Variants in TEX9 observed in about 807,000 individuals in gnomAD.
The protein encoded by TEX9 is testis expressed 9, also known as testis-expressed protein 9.
Under a neutral mutation model 59.6 loss-of-function variants are expected in TEX9, and 74 were observed. The observed-to-expected ratio is 1.24, with a 90% CI of 1.03 to 1.51. TEX9 has a LOEUF of 1.51. Ranked by LOEUF, TEX9 falls within the 40% of genes most tolerant of loss-of-function variation. The pLI is 0.00. For synonymous variants in TEX9, 186 were observed against 152.2 expected (o/e 1.22, Z -1.64); for missense variants, 522 against 447.8 (o/e 1.17, Z -1.49).
chr15:56,279,448 A>G (rs1288449007), intron 1 of TEX9, among the ~76,000 whole-genome samples: 1 of 152,222 alleles, frequency 6.6e-6, no homozygotes, highest in Non-Finnish European at 1.5e-5. Context: ...AGCTGGTTCA[A>G]ACAAGAATTT....
intron 1 of TEX9, among the ~76,000 whole-genome samples, chr15:56,348,506 G>A (rs2046515896): frequency 2.0e-5 from 3 of 151,974 alleles, no homozygotes. Context: ...ATATATTTTT[G>A]CTAAATAAAC....
At chr15:56,358,101 T>C (rs2046718012) in intron 1 of TEX9, among the ~76,000 whole-genome samples, 1 of 152,188 alleles carries the variant, frequency 6.6e-6, no homozygotes, top group Non-Finnish European at 1.5e-5. Context: ...TTTAGCCTTT[T>C]TGGTTTCTAG....
intron 12 of TEX9, among the ~76,000 whole-genome samples, chr15:56,435,021 A>G (rs144944537): frequency 3.9e-5 from 6 of 152,248 alleles, no homozygotes; most frequent in Non-Finnish European, 7.4e-5. Flanking sequence ...ACTAAAAAAT[A>G]TAATTTTACA....
At chr15:56,332,363 G>T (rs367879514) in intron 1 of TEX9, among the ~76,000 whole-genome samples, 9 of 150,778 alleles carry the variant, frequency 6.0e-5, no homozygotes, top group Non-Finnish European at 1.0e-4. Context: ...GTAAACTATC[G>T]CAAGAACAAA....
At chr15:56,307,891 G>A (rs1429808175) in intron 1 of TEX9, among the ~76,000 whole-genome samples, 2 of 152,100 alleles carry the variant, frequency 1.3e-5, no homozygotes, top group African/African-American at 4.8e-5. Context: ...AAGTTCATCC[G>A]TGTTGTAGTT....
chr15:56,302,713 A>G (rs1039242175), intron 1 of TEX9, among the ~76,000 whole-genome samples: 18 of 152,208 alleles, frequency 1.2e-4, no homozygotes, highest in African/African-American at 4.1e-4. Context: ...CTTATCAATA[A>G]TAACAGTTAA....
chr15:56,259,435 G>A (rs1414536247), intron 1 of TEX9, among the ~76,000 whole-genome samples: 1 of 151,860 alleles, frequency 6.6e-6, no homozygotes, highest in Non-Finnish European at 1.5e-5. Context: ...AATTTTTGTA[G>A]ATAGTGTAAA....
At chr15:56,460,010 AT>A in the TEX9 span, among the ~76,000 whole-genome samples, 136 of 27,394 alleles carry the variant, frequency 5.0e-3, 14 homozygotes, top group Non-Finnish European at 7.2e-3. Context: ...AAAAAAAAAA[AT>A]ACATATATAT....
intron 1 of TEX9, among the ~76,000 whole-genome samples, chr15:56,347,334 T>G (rs1284520009): frequency 6.6e-6 from 1 of 152,152 alleles, no homozygotes; most frequent in Non-Finnish European, 1.5e-5. Flanking sequence ...AAACTTATTA[T>G]GTATATATAG....
chr15:56,273,139 G>A (rs1453311434), intron 1 of TEX9, among the ~76,000 whole-genome samples: 1 of 151,842 alleles, frequency 6.6e-6, no homozygotes, highest in African/African-American at 2.4e-5. Context: ...TTTTTAAGTA[G>A]GCATGGGGTT....
intron 9 of TEX9, among the ~76,000 whole-genome samples, chr15:56,409,159 G>A (rs1232467271): frequency 6.6e-6 from 1 of 150,910 alleles, no homozygotes; most frequent in Non-Finnish European, 1.5e-5. Context: ...TTGCACCACT[G>A]CACTCCAGCC....
At chr15:56,290,468 A>C (rs1482528806) in intron 1 of TEX9, among the ~76,000 whole-genome samples, 1 of 151,842 alleles carries the variant, frequency 6.6e-6, no homozygotes, top group Non-Finnish European at 1.5e-5. Context: ...AGTTTTTTTC[A>C]ATACAGGTCT....
chr15:56,362,302 C>T (rs892369706), upstream of TEX9, among the ~76,000 whole-genome samples: 1 of 152,118 alleles, frequency 6.6e-6, no homozygotes, highest in Non-Finnish European at 1.5e-5. Flanking sequence ...GCAAGTCCTA[C>T]CAGTTTTTGC....
chr15:56,431,352 C>T (rs771526571), intron 12 of TEX9: 1 of 1,607,316 alleles, frequency 6.2e-7, no homozygotes, highest in South Asian at 1.1e-5. Flanking sequence ...AAGATTACAA[C>T]TTGAGATAAA....
rs3217284 is a variant in TEX9 at position 56,412,173 on chromosome 15, C to CGTGT, written c.829-112_829-109dup. On this transcript the variant is annotated intron_variant, in intron 9 of 12. Transcript: ENST00000352903. ...TTAGTGTTCAGCCTCTACCCCCAAG[C>CGTGT]GTGTGTGTGTGTGTGTGTGTAAAGT... is the stretch of plus-strand genomic sequence containing the variant. 370 of 696,488 alleles carry CGTGT rather than the reference C, an allele frequency of 5.3e-4. 3 individuals carry two copies. Among genetic ancestry groups the CGTGT allele is most frequent in the Admixed American group, 1.4e-3 (39 of 28,372 alleles). 43.1% of individuals were successfully genotyped at this position (696,488 alleles called of 1,614,324 possible).
intron 12 of TEX9, chr15:56,428,595 GATTAGCT>G (rs759662107): frequency 8.4e-5 from 46 of 545,064 alleles, no homozygotes; most frequent in Non-Finnish European, 1.3e-4. Context: ...AGATTTAGGA[GATTAGCT>G]ATTAGCTCTT....
intron 12 of TEX9, among the ~76,000 whole-genome samples, chr15:56,438,708 A>G (rs963437819): frequency 3.3e-5 from 5 of 152,206 alleles, no homozygotes; most frequent in African/African-American, 1.2e-4. Context: ...TGAACAGCCA[A>G]CCTACAGAAT....
chr15:56,458,709 G>C, the TEX9 span, among the ~76,000 whole-genome samples: 1 of 151,980 alleles, frequency 6.6e-6, no homozygotes, highest in Non-Finnish European at 1.5e-5. Context: ...ATACAGAATG[G>C]AGCCTTTTTG....
At chr15:56,354,411 T>G (rs777321033) in intron 1 of TEX9, among the ~76,000 whole-genome samples, 1 of 152,146 alleles carries the variant, frequency 6.6e-6, no homozygotes, top group Non-Finnish European at 1.5e-5. Context: ...TAGAGCCCTT[T>G]AATTGTAAAA....
Sources: gnomAD v4.1 joint callset for allele counts (sites outside exome capture counted in the v4.1 genomes callset) on GRCh38, gnomAD v4.1.1 for gene constraint, MANE v1.5 for transcripts, NCBI Gene and HGNC (gene_info 2026-07-23, HGNC 2026-07-21) for gene names.